Variants in ZFP30 observed in about 807,000 individuals in gnomAD.
The protein encoded by ZFP30 is ZFP30 zinc finger protein, also known as zinc finger protein 30 homolog.
In ZFP30, 16 loss-of-function variants were observed where a neutral mutation model predicts 12.3. That is an observed-to-expected ratio of 1.30 (90% confidence interval 0.88 to 1.98). ZFP30 has a LOEUF of 1.98. Among genes scored for constraint, ZFP30 ranks in the 30% most tolerant of loss-of-function variants. ZFP30 has a pLI of 0.00. For missense variants in ZFP30, 560 were observed against 611.2 expected (o/e 0.92, Z 0.88); for synonymous variants, 172 against 201.0 (o/e 0.86, Z 1.22).
At chr19:37,652,909 G>A (rs2044680324) in intron 2 of ZFP30, among the ~76,000 whole-genome samples, 1 of 152,014 alleles carries the variant, frequency 6.6e-6, no homozygotes, top group African/African-American at 2.4e-5. Context: ...CTTGAGGTTA[G>A]GAGTTCAAGA....
rs1216539673 is a variant in ZFP30 at position 37,634,239 on chromosome 19, T to C, written c.*742A>G. 6.6e-6 allele frequency: 1 copy of C among 152,238 alleles called. No homozygotes were observed. The highest frequency in any genetic ancestry group is 1.5e-5 in the Non-Finnish European group (1 of 68,048). The allele number at this position is 152,238 out of a possible 1,614,324, so 9.4% of individuals were successfully genotyped here. ...TAATTTACTCTTCCATTCCTTGAATTTTCTCTAAACTGGGAGTTGGCTCTT... is the reference window on the plus strand; with the variant it reads ...TAATTTACTCTTCCATTCCTTGAATCTTCTCTAAACTGGGAGTTGGCTCTT... On this transcript the variant is annotated 3_prime_UTR_variant, in exon 6 of 6. Transcript: ENST00000684514.
intron 5 of ZFP30, 83 bp from the exon 6 acceptor site, chr19:37,636,388 C>CAAAAA (rs58180098): frequency 4.4e-6 from 4 of 918,118 alleles, no homozygotes; most frequent in Non-Finnish European, 2.8e-6. Flanking sequence ...AATCGGTGAC[C>CAAAAA]AAAAAAAAAA....
intron 3 of ZFP30, among the ~76,000 whole-genome samples, chr19:37,647,195 A>C (rs1045021027): frequency 6.6e-6 from 1 of 152,156 alleles, no homozygotes; most frequent in Non-Finnish European, 1.5e-5. Context: ...TTTCTGCCCC[A>C]TCTCTGCTCT....
intron 2 of ZFP30, among the ~76,000 whole-genome samples, chr19:37,649,549 G>A (rs1325199479): frequency 6.6e-6 from 1 of 152,164 alleles, no homozygotes; most frequent in African/African-American, 2.4e-5. Flanking sequence ...AAATTAAACA[G>A]CCGAGTGCAG....
In ZFP30 at chr19:37,634,898, A is replaced by T. The variant is rs530000447; in HGVS notation, c.*83T>A. On this transcript the variant is annotated 3_prime_UTR_variant, in exon 6 of 6. Transcript: ENST00000684514. ...TAGTTGTGAGCATGAAGCAAAAGGG[A>T]TTCCCACGTTCAAAAACCTTTCCTC... is the stretch of plus-strand genomic sequence containing the variant. 20 of 1,394,110 alleles carry T rather than the reference A, an allele frequency of 1.4e-5. No homozygotes were observed. In the East Asian group the frequency reaches 4.1e-4, roughly 28 times the overall value. The allele number at this position is 1,394,110 out of a possible 1,614,324, so 86.4% of individuals were successfully genotyped here.
chr19:37,655,600 C>G (rs1228781421), upstream of ZFP30: 1 of 152,340 alleles, frequency 6.6e-6, no homozygotes, highest in African/African-American at 2.4e-5. Context: ...GGAGACGGAG[C>G]CAGAGGGGCC....
intron 5 of ZFP30, among the ~76,000 whole-genome samples, chr19:37,641,932 G>A (rs559380557): frequency 1.6e-4 from 24 of 152,180 alleles, no homozygotes; most frequent in Non-Finnish European, 3.1e-4. Flanking sequence ...TTCCCAAGGT[G>A]TAGAACATAG....
intron 4 of ZFP30, 35 bp downstream of exon 4, chr19:37,644,575 G>A: frequency 6.5e-7 from 1 of 1,532,090 alleles, no homozygotes; most frequent in Non-Finnish European, 8.7e-7. Context: ...TCCTGTGAAT[G>A]TCTAAATTAT....
Position 37,635,575 on chromosome 19 carries a change from T to C in ZFP30, c.966A>G (p.Gly322=). 1 of 1,614,058 alleles carries C rather than the reference T, an allele frequency of 6.2e-7. No individual in the cohort carries two copies. Among genetic ancestry groups the C allele is most frequent in the Non-Finnish European group, 8.5e-7 (1 of 1,180,002 alleles). Residue 322 remains glycine (G), a synonymous_variant, in exon 6 of 6, where the codon GGA becomes GGG. Coordinates refer to ENST00000684514, the MANE Select transcript of ZFP30 (RefSeq NM_001320669.3). ...GLRLHHKLHT[G]EKPYECKECG... is the part of the protein sequence containing the mutation. The stretch of plus-strand genomic sequence containing the variant: ...ACTCCTTACATTCATAGGGTTTTTC[T>C]CCAGTATGAAGTTTGTGATGTAGTC...
Position 37,650,703 on chromosome 19 carries a change from C to T in ZFP30, c.-77-2804G>A, listed in dbSNP as rs139470220. 9.3e-3 allele frequency among the ~76,000 whole-genome samples: 1,418 copies of T among 152,040 alleles called. 12 individuals carry two copies. The highest frequency in any genetic ancestry group is 0.016 in the Non-Finnish European group (1,080 of 67,962). On this transcript the variant is annotated intron_variant, in intron 2 of 5. Transcript: ENST00000684514. The stretch of plus-strand genomic sequence containing the variant: ...ACTCCCACCCACATATGCATAGTTG[C>T]AGTCCCTTTGTCCTTTCAATATGAT...
chr19:37,640,778 T>C (rs1599617776), intron 5 of ZFP30, among the ~76,000 whole-genome samples: 2 of 151,780 alleles, frequency 1.3e-5, no homozygotes, highest in South Asian at 4.2e-4. Context: ...TAAAATAAAA[T>C]AGGGAGCAAA....
rs146564645 is a variant in ZFP30 at position 37,635,001 on chromosome 19, G to A, written c.1540C>T (p.Arg514Ter). 66 of 1,551,532 alleles carry A rather than the reference G, an allele frequency of 4.3e-5. 1 individual carries two copies. Among genetic ancestry groups the A allele is most frequent in the African/African-American group, 1.1e-4 (8 of 72,484 alleles). The stretch of plus-strand genomic sequence containing the variant: ...AATTATTAAGTTACATTATGAATTC[G>A]CTGATGGTAAGTAAGATGTGAATGT... ...RQHSHLTYHQ[R>*]IHNVT The change falls in exon 6 of 6, where the codon CGA becomes TGA. Residue 514 changes from arginine (R) to a stop codon, truncating the protein, a stop_gained. Coordinates refer to ENST00000684514, the MANE Select transcript of ZFP30 (RefSeq NM_001320669.3). LOFTEE classifies it high-confidence loss of function.
chr19:37,645,406 T>C (rs1424731014), intron 3 of ZFP30, among the ~76,000 whole-genome samples: 3 of 152,062 alleles, frequency 2.0e-5, no homozygotes, highest in East Asian at 3.8e-4. Context: ...CAACATTTTC[T>C]GTAAAGGGCC....
intron 2 of ZFP30, among the ~76,000 whole-genome samples, chr19:37,649,085 A>AT: frequency 6.6e-6 from 1 of 151,396 alleles, no homozygotes; most frequent in East Asian, 2.0e-4. Flanking sequence ...CAACAAAAAA[A>AT]TTTTTTTAAA....
At chr19:37,646,393 C>A (rs1167530327) in intron 3 of ZFP30, among the ~76,000 whole-genome samples, 1 of 152,020 alleles carries the variant, frequency 6.6e-6, no homozygotes, top group Admixed American at 6.5e-5. Flanking sequence ...TGCTTCAATG[C>A]CCAATATTCT....
At chr19:37,643,771 C>T (rs1216674817) in intron 4 of ZFP30, among the ~76,000 whole-genome samples, 1 of 151,916 alleles carries the variant, frequency 6.6e-6, no homozygotes, top group Non-Finnish European at 1.5e-5. Context: ...ACTACATTTG[C>T]TATTTTTTGA....
chr19:37,652,942 AC>A (rs1420388182), intron 2 of ZFP30, among the ~76,000 whole-genome samples: 1 of 151,750 alleles, frequency 6.6e-6, no homozygotes, highest in Non-Finnish European at 1.5e-5. Flanking sequence ...ACATGGTGAA[AC>A]CCCGTCTCTA....
rs551152752 is a variant in ZFP30 at position 37,636,166 on chromosome 19, G to A, written c.375C>T (p.Phe125=). ...EEQESPHEVC[F]RQVTKTTSEK... Reference sequence around the variant, plus strand: ...CAGAGGTGGTTTTTGTCACTTGCCTGAAACACACCTCATGAGGACTTTCTT... The same window carrying A: ...CAGAGGTGGTTTTTGTCACTTGCCTAAAACACACCTCATGAGGACTTTCTT... Residue 125 remains phenylalanine, a synonymous_variant, in exon 6 of 6, where the codon TTC becomes TTT. Transcript: ENST00000684514. 1.4e-4 allele frequency: 223 copies of A among 1,614,096 alleles called. 3 individuals are homozygous for A. The South Asian group carries it at 2.3e-3, about 17-fold the overall frequency.
intron 3 of ZFP30, among the ~76,000 whole-genome samples, chr19:37,646,397 A>G (rs2044545052): frequency 6.6e-6 from 1 of 152,184 alleles, no homozygotes; most frequent in Admixed American, 6.5e-5. Flanking sequence ...TCAATGCCCA[A>G]TATTCTAGTT....
Sources: allele counts gnomAD v4.1 joint callset (sites outside exome capture counted in the v4.1 genomes callset), GRCh38; gene constraint gnomAD v4.1.1; transcripts MANE v1.5; gene names NCBI Gene and HGNC (gene_info 2026-07-23, HGNC 2026-07-21).